The following RPTOR variants were observed in gnomAD, a reference collection of about 807,000 sequenced individuals.
RPTOR encodes the protein regulatory associated protein of MTOR complex 1.
Under a neutral mutation model 169.9 loss-of-function variants are expected in RPTOR, and 21 were observed. The observed-to-expected ratio is 0.12, with a 90% CI of 0.09 to 0.18. The LOEUF is 0.18. RPTOR is among the 10% of genes least tolerant of loss of function. The pLI is 1.00. For synonymous variants in RPTOR, 732 were observed against 753.2 expected (o/e 0.97, Z 0.46); for missense variants, 1,133 against 1,855.9 (o/e 0.61, Z 7.16).
intron 4 of RPTOR, chr17:80,709,135 G>A (rs145362444): frequency 3.6e-5 from 35 of 973,086 alleles, no homozygotes; most frequent in Admixed American, 1.8e-4. Flanking sequence ...AGCTCCTCCC[G>A]CAGGGCACAG....
At position 80,695,577 on chromosome 17, in the gene RPTOR, G is replaced by A. The variant is rs535009374; in HGVS notation, c.349-12264G>A. 2.0e-5 allele frequency among the ~76,000 whole-genome samples: 3 copies of A among 152,150 alleles called. No homozygotes were observed. Among genetic ancestry groups the A allele is most frequent in the Admixed American group, 6.5e-5 (1 of 15,278 alleles). Reference sequence around the variant, plus strand: ...TGCCTGCCAGCCACCCAGAGCCAGCGTCTTCCCAAGCAGCTGTTTTACAGG... The same window carrying A: ...TGCCTGCCAGCCACCCAGAGCCAGCATCTTCCCAAGCAGCTGTTTTACAGG... On this transcript the variant is annotated intron_variant, in intron 3 of 33. Coordinates refer to ENST00000306801, the MANE Select transcript of RPTOR (RefSeq NM_020761.3). The surrounding 1 kb of genome is among the most constrained non-coding windows in gnomAD (Gnocchi z 4.9).
At chr17:80,549,296 T>C (rs1401636076) in intron 1 of RPTOR, among the ~76,000 whole-genome samples, 1 of 152,222 alleles carries the variant, frequency 6.6e-6, no homozygotes, top group Admixed American at 6.5e-5. Flanking sequence ...TAACTAGACA[T>C]ATATGAATTG....
In RPTOR at chr17:80,746,030, C is replaced by T. The variant is rs941049257; in HGVS notation, c.655-7980C>T. ...ATATAAAATTATCCAGACGTGGTGG[C>T]GCATACCTGTAATCCCAGCTACTTG... On this transcript the variant is annotated intron_variant, in intron 5 of 33. Transcript: ENST00000306801. The surrounding 1 kb of genome is among the most constrained non-coding windows in gnomAD (Gnocchi z 4.5). Among the ~76,000 whole-genome samples, 4 of 152,084 alleles carry T rather than the reference C, an allele frequency of 2.6e-5. No individual in the cohort carries two copies. The highest frequency in any genetic ancestry group is 5.9e-5 in the Non-Finnish European group (4 of 68,008).
chr17:80,917,479 T>C (rs549792542), intron 21 of RPTOR, among the ~76,000 whole-genome samples: 4 of 152,258 alleles, frequency 2.6e-5, no homozygotes, highest in Non-Finnish European at 5.9e-5. Context: ...CTTGACAGCC[T>C]CTCTTAGAAC....
intron 7 of RPTOR, among the ~76,000 whole-genome samples, chr17:80,808,408 A>G (rs2143565561): frequency 6.6e-6 from 1 of 152,338 alleles, no homozygotes; most frequent in South Asian, 2.1e-4. Flanking sequence ...TGGGTGACAG[A>G]GCAAGACCCC....
chr17:80,903,206 G>T (rs2068498557), intron 20 of RPTOR, among the ~76,000 whole-genome samples: 2 of 152,252 alleles, frequency 1.3e-5, no homozygotes, highest in South Asian at 4.1e-4. Context: ...CCCAGAGGAG[G>T]AGCTGGGGGC....
intron 2 of RPTOR, among the ~76,000 whole-genome samples, chr17:80,639,556 T>G (rs763534496): frequency 2.6e-5 from 4 of 152,160 alleles, no homozygotes; most frequent in Non-Finnish European, 4.4e-5. Flanking sequence ...TCTTGGCAGC[T>G]TTCCATCTAA....
chr17:80,582,070 G>C (rs1035078248), intron 1 of RPTOR, among the ~76,000 whole-genome samples: 3 of 152,202 alleles, frequency 2.0e-5, no homozygotes, highest in Non-Finnish European at 1.5e-5. Context: ...AGGGCCAGCT[G>C]CAAGTGGACA....
At chr17:80,781,392 C>T (rs1015230791) in intron 6 of RPTOR, among the ~76,000 whole-genome samples, 8 of 152,178 alleles carry the variant, frequency 5.3e-5, no homozygotes, top group South Asian at 2.1e-4. Flanking sequence ...TCCCCGTGGC[C>T]GCCCTGCGGT....
intron 5 of RPTOR, among the ~76,000 whole-genome samples, chr17:80,739,742 TAG>T (rs1455487733): frequency 6.6e-6 from 1 of 151,806 alleles, no homozygotes; most frequent in Non-Finnish European, 1.5e-5. Flanking sequence ...AAAAAATACA[TAG>T]AGTTAGATGA....
Position 80,925,450 on chromosome 17 carries a change from C to T in RPTOR, c.2889C>T (p.Ser963=), listed in dbSNP as rs200475102. ...TGCAGACGGGGTTCTGCGACTGGAG[C>T]GCCCGCTATTTTGCCCAGCCCGTCA... ...ATVQTGFCDW[S]ARYFAQPVMK... The change falls in exon 24 of 34, where the codon AGC becomes AGT. Residue 963 remains serine (S), a synonymous_variant. Transcript: ENST00000306801. The T allele has an allele frequency of 7.4e-6, 12 of 1,613,490 alleles. No homozygotes were observed. The highest frequency in any genetic ancestry group is 2.2e-5 in the East Asian group (1 of 44,892).
rs373826817 is a variant in RPTOR, at chr17:80,744,187, C to T, written c.655-9823C>T. On this transcript the variant is annotated intron_variant, in intron 5 of 33. Transcript: ENST00000306801. ...GCCCTGGTTACTAGCACTATCCTGG[C>T]TACTAGCACAGCCCTGGTTACTAGC... is the stretch of plus-strand genomic sequence containing the variant. Among the ~76,000 whole-genome samples, 12 of 22,870 alleles carry T rather than the reference C, an allele frequency of 5.2e-4. 1 individual carries two copies. Among genetic ancestry groups the T allele is most frequent in the East Asian group, 2.9e-3 (2 of 688 alleles). The allele number at this position is 22,870 out of a possible 152,430, so 15.0% of individuals were successfully genotyped here.
chr17:80,639,733 T>G (rs1416566378), intron 2 of RPTOR, among the ~76,000 whole-genome samples: 1 of 152,040 alleles, frequency 6.6e-6, no homozygotes, highest in Non-Finnish European at 1.5e-5. Context: ...AGCTGGGAGG[T>G]GGGAGAGTCT....
chr17:80,583,546 G>A (rs1326669100), intron 1 of RPTOR, among the ~76,000 whole-genome samples: 2 of 151,254 alleles, frequency 1.3e-5, no homozygotes, highest in African/African-American at 4.9e-5. Context: ...GCTGGTGGAG[G>A]CCTCTTGAGG....
intron 3 of RPTOR, among the ~76,000 whole-genome samples, chr17:80,684,852 T>G (rs192961174): frequency 6.6e-6 from 1 of 152,216 alleles, no homozygotes; most frequent in African/African-American, 2.4e-5. Context: ...AATCACTCCA[T>G]GTCAGTTTCT....
intron 1 of RPTOR, among the ~76,000 whole-genome samples, chr17:80,611,518 C>A (rs887037352): frequency 6.6e-6 from 1 of 152,054 alleles, no homozygotes; most frequent in African/African-American, 2.4e-5. Context: ...TTGCCCAACT[C>A]GGCTTCCCAA....
chr17:80,658,403 T>G (rs548204813), intron 3 of RPTOR, among the ~76,000 whole-genome samples: 1 of 152,296 alleles, frequency 6.6e-6, no homozygotes, highest in South Asian at 2.1e-4. Context: ...TTTTTTTAAG[T>G]TTAAAGGTGT....
chr17:80,908,973 CG>C, intron 21 of RPTOR, 44 bp downstream of exon 21: 1 of 1,397,360 alleles, frequency 7.2e-7, no homozygotes, highest in South Asian at 1.2e-5. Flanking sequence ...TGCTGGTTCT[CG>C]GTTACGAGTA....
At chr17:80,736,663 A>G (rs1271504158) in intron 5 of RPTOR, among the ~76,000 whole-genome samples, 1 of 152,240 alleles carries the variant, frequency 6.6e-6, no homozygotes, top group Non-Finnish European at 1.5e-5. Flanking sequence ...ACTCTTGTAG[A>G]CAGGCACACT....
Sources: allele counts gnomAD v4.1 joint callset (sites outside exome capture counted in the v4.1 genomes callset), GRCh38; gene constraint gnomAD v4.1.1; non-coding constraint Gnocchi (gnomAD v3.1); transcripts MANE v1.5; gene names NCBI Gene and HGNC (gene_info 2026-07-23, HGNC 2026-07-21).